The following GRIN2B variants were observed in gnomAD, a reference collection of about 807,000 sequenced individuals.
GRIN2B encodes the protein glutamate ionotropic receptor NMDA type subunit 2B.
GRIN2B carries 5 observed loss-of-function variants against 114.5 expected under a neutral mutation model. The observed-to-expected ratio is 0.04, with a 90% confidence interval of 0.02 to 0.09. GRIN2B has a LOEUF of 0.09. Among genes scored for constraint, GRIN2B ranks in the 10% least tolerant of loss-of-function variants. The pLI is 1.00. For synonymous variants in GRIN2B, 787 were observed against 745.1 expected (o/e 1.06, Z -0.92); for missense variants, 1,108 against 1,943.5 (o/e 0.57, Z 8.08).
Position 13,563,900 on chromosome 12 carries a change from G to C in GRIN2B, c.3338C>G (p.Pro1113Arg). ...GCGCTTGTGGTCAGGGGAGCGGGGCGGTCGGCGACGGTAGGCCAGCTCGAT... is the reference window on the plus strand; with the variant it reads ...GCGCTTGTGGTCAGGGGAGCGGGGCCGTCGGCGACGGTAGGCCAGCTCGAT... The part of the protein sequence containing the change: ...DEIELAYRRR[P>R]PRSPDHKRYF... The change falls in exon 14 of 14, where the codon CCG becomes CGG. Residue 1113 changes from proline to arginine, a missense_variant. Around this residue, in one of 19 missense-constraint regions of GRIN2B, gnomAD observed 478 missense variants for 506.0 expected, o/e 0.94. Transcript: ENST00000609686. The C allele has an allele frequency of 6.2e-7, 1 of 1,614,136 alleles. No homozygotes were observed.
chr12:13,859,173 T>G (rs1865712418), intron 3 of GRIN2B, among the ~76,000 whole-genome samples: 1 of 152,156 alleles, frequency 6.6e-6, no homozygotes. Flanking sequence ...CCAACTAAGG[T>G]CACATGGCTG....
intron 3 of GRIN2B, among the ~76,000 whole-genome samples, chr12:13,807,743 G>T (rs1864634880): frequency 8.2e-6 from 1 of 121,918 alleles, no homozygotes; most frequent in African/African-American, 3.0e-5. Flanking sequence ...TTTGTAGTCA[G>T]GCAAGTCACA....
intron 4 of GRIN2B, among the ~76,000 whole-genome samples, chr12:13,739,654 G>A (rs902735299): frequency 4.0e-5 from 6 of 151,706 alleles, no homozygotes; most frequent in Non-Finnish European, 2.9e-5. Context: ...GAAAGATTCT[G>A]AAAAAAAATA....
intron 3 of GRIN2B, among the ~76,000 whole-genome samples, chr12:13,833,046 C>T (rs1236718081): frequency 6.6e-6 from 1 of 152,150 alleles, no homozygotes; most frequent in Non-Finnish European, 1.5e-5. Context: ...GCTCTGTATA[C>T]TGGATGATAT....
chr12:13,640,417 ATTG>A (rs1949704527), intron 5 of GRIN2B, among the ~76,000 whole-genome samples: 2 of 152,214 alleles, frequency 1.3e-5, no homozygotes, highest in South Asian at 4.1e-4. Flanking sequence ...TTGCCCTGCT[ATTG>A]TTAAGCCTAT....
chr12:13,681,697 T>C (rs1200114414), intron 4 of GRIN2B, among the ~76,000 whole-genome samples: 4 of 152,186 alleles, frequency 2.6e-5, no homozygotes, highest in African/African-American at 9.7e-5. Flanking sequence ...TTTTTAAACA[T>C]AGTTTTTAGT....
intron 2 of GRIN2B, among the ~76,000 whole-genome samples, chr12:13,944,153 TATATC>T (rs1867322115): frequency 6.6e-6 from 1 of 152,222 alleles, no homozygotes; most frequent in Non-Finnish European, 1.5e-5. Context: ...GTCTAGGTCT[TATATC>T]ATTCTCCAAA....
chr12:13,600,374 T>TAGTA (rs1164747466), intron 10 of GRIN2B, among the ~76,000 whole-genome samples: 2 of 152,230 alleles, frequency 1.3e-5, no homozygotes, highest in African/African-American at 4.8e-5. Context: ...GATATCTATT[T>TAGTA]AGTAAGTCTT....
intron 10 of GRIN2B, among the ~76,000 whole-genome samples, chr12:13,580,934 G>T (rs1948839255): frequency 6.6e-6 from 1 of 152,140 alleles, no homozygotes. Context: ...AACCTTTTGA[G>T]ACTGGCTTTT....
At chr12:13,622,996 AC>A (rs1467226345) in intron 5 of GRIN2B, among the ~76,000 whole-genome samples, 1 of 152,170 alleles carries the variant, frequency 6.6e-6, no homozygotes, top group African/African-American at 2.4e-5. Flanking sequence ...ACATTCTAAC[AC>A]TGTATGGCCC....
chr12:13,780,778 G>GA (rs1261439196), intron 3 of GRIN2B, among the ~76,000 whole-genome samples: 14 of 121,162 alleles, frequency 1.2e-4, no homozygotes, highest in Admixed American at 5.1e-4. Context: ...TACTTGTGGA[G>GA]AAAAAAATGG....
intron 5 of GRIN2B, among the ~76,000 whole-genome samples, chr12:13,643,438 A>G (rs1198052194): frequency 1.3e-5 from 2 of 152,186 alleles, no homozygotes; most frequent in Non-Finnish European, 2.9e-5. Context: ...GCTAAGGATC[A>G]TCTGAGCCTC....
At chr12:13,766,953 C>T (rs1314939905) in intron 3 of GRIN2B, among the ~76,000 whole-genome samples, 10 of 152,138 alleles carry the variant, frequency 6.6e-5, no homozygotes, top group African/African-American at 1.4e-4. Context: ...ATCCAAGCAA[C>T]TCACACAAGT....
intron 3 of GRIN2B, among the ~76,000 whole-genome samples, chr12:13,864,769 G>A (rs1865799413): frequency 6.6e-6 from 1 of 152,166 alleles, no homozygotes; most frequent in African/African-American, 2.4e-5. Context: ...CGCAGGAGAG[G>A]CTAGGATTTG....
At chr12:13,927,980 A>AAAAAAAAG (rs1448351802) in intron 2 of GRIN2B, among the ~76,000 whole-genome samples, 3 of 149,138 alleles carry the variant, frequency 2.0e-5, no homozygotes, top group Non-Finnish European at 4.5e-5. Context: ...AAAAAAAAAA[A>AAAAAAAAG]AAGGGGGGGT....
At chr12:13,855,338 A>G (rs1865642454) in intron 3 of GRIN2B, among the ~76,000 whole-genome samples, 1 of 152,162 alleles carries the variant, frequency 6.6e-6, no homozygotes, top group South Asian at 2.1e-4. Context: ...GGAGTTTTCT[A>G]AAGGTCACAC....
intron 4 of GRIN2B, among the ~76,000 whole-genome samples, chr12:13,691,175 G>A (rs894014852): frequency 2.0e-5 from 3 of 152,044 alleles, no homozygotes; most frequent in Admixed American, 6.6e-5. Flanking sequence ...CAAGGTGAGG[G>A]TGAATAGTTG....
intron 2 of GRIN2B, among the ~76,000 whole-genome samples, chr12:13,904,304 T>C (rs1251523017): frequency 1.3e-5 from 2 of 152,082 alleles, no homozygotes; most frequent in Non-Finnish European, 2.9e-5. Flanking sequence ...TACACTTGGT[T>C]TCTGGTGTCT....
intron 5 of GRIN2B, among the ~76,000 whole-genome samples, chr12:13,646,549 G>GGTTAT (rs1311556942): frequency 6.6e-6 from 1 of 152,040 alleles, no homozygotes; most frequent in Admixed American, 6.6e-5. Flanking sequence ...CCCTTAATTA[G>GGTTAT]GTTATGTTTT....
Sources: gnomAD v4.1 joint callset for allele counts (sites outside exome capture counted in the v4.1 genomes callset) on GRCh38, gnomAD v4.1.1 for gene constraint, gnomAD v4.1.1 regional missense constraint, MANE v1.5 for transcripts, NCBI Gene and HGNC (gene_info 2026-07-23, HGNC 2026-07-21) for gene names.